Variants in RTL4 observed in about 807,000 individuals in gnomAD.
RTL4 encodes the protein retrotransposon Gag like 4, also known as retrotransposon Gag-like protein 4.
Under a neutral mutation model 5.3 loss-of-function variants are expected in RTL4, and 4 were observed. The observed-to-expected ratio is 0.75, with a 90% CI of 0.37 to 1.72. The LOEUF is 1.72. Among genes scored for constraint, RTL4 ranks in the 40% most tolerant of loss-of-function variants. The pLI is 0.04. For missense variants in RTL4, 260 were observed against 227.1 expected (o/e 1.14, Z -0.93); for synonymous variants, 98 against 87.3 (o/e 1.12, Z -0.68).
At chrX:112,320,170 A>G in the RTL4 span, 1 of 111,852 alleles carries the variant, frequency 8.9e-6, no homozygotes, top group African/African-American at 3.3e-5. Flanking sequence ...TCGTATTACC[A>G]TGTTTCCCTT....
chrX:112,280,369 C>T, the RTL4 span, among the ~76,000 whole-genome samples: 1 of 111,606 alleles, frequency 9.0e-6, no homozygotes, highest in South Asian at 3.8e-4. Context: ...ATACTATGCT[C>T]ACTACTTGGG....
chrX:112,246,784 T>A, the RTL4 span, among the ~76,000 whole-genome samples: 2 of 111,165 alleles, frequency 1.8e-5, no homozygotes, highest in South Asian at 3.8e-4. Context: ...AATGCAGAAA[T>A]CACCCGTCTT....
chrX:112,168,512 G>T, the RTL4 span, among the ~76,000 whole-genome samples: 1 of 111,687 alleles, frequency 9.0e-6, no homozygotes, highest in South Asian at 3.8e-4. Context: ...TAGGATAAAA[G>T]GATGCAGTAA....
At chrX:112,185,404 C>G in the RTL4 span, among the ~76,000 whole-genome samples, 3 of 80,434 alleles carry the variant, frequency 3.7e-5, 1 homozygote, top group African/African-American at 1.6e-4. Flanking sequence ...TATATATATA[C>G]ACACACACAC....
At chrX:112,312,190 T>C in the RTL4 span, among the ~76,000 whole-genome samples, 4 of 111,757 alleles carry the variant, frequency 3.6e-5, no homozygotes, top group Non-Finnish European at 7.5e-5. Context: ...CTTTGAATTA[T>C]GACTCTACTG....
At chrX:112,133,726 A>G in the RTL4 span, among the ~76,000 whole-genome samples, 3 of 112,330 alleles carry the variant, frequency 2.7e-5, no homozygotes, top group Non-Finnish European at 5.6e-5. Context: ...AAGGGTATTT[A>G]ACATAGTTCT....
chrX:112,115,689 T>C, the RTL4 span, among the ~76,000 whole-genome samples: 1 of 111,699 alleles, frequency 9.0e-6, no homozygotes, highest in Non-Finnish European at 1.9e-5. Flanking sequence ...TTCTGATTGG[T>C]AAGCCCAGGT....
chrX:112,428,233 G>A, the RTL4 span, among the ~76,000 whole-genome samples: 2 of 111,837 alleles, frequency 1.8e-5, no homozygotes, highest in Non-Finnish European at 3.8e-5. Context: ...TTATAAACGT[G>A]TGCACATTCA....
the RTL4 span, among the ~76,000 whole-genome samples, chrX:112,439,182 C>G: frequency 9.9e-5 from 11 of 111,578 alleles, no homozygotes; most frequent in East Asian, 3.1e-3. Context: ...ATCTACATGA[C>G]TATCAGAGGT....
chrX:112,353,402 T>C, the RTL4 span, among the ~76,000 whole-genome samples: 1 of 111,437 alleles, frequency 9.0e-6, no homozygotes, highest in Non-Finnish European at 1.9e-5. Flanking sequence ...ATTGTGGCAC[T>C]ATTCACAATG....
the RTL4 span, among the ~76,000 whole-genome samples, chrX:112,295,745 T>G: frequency 6.2e-5 from 7 of 112,625 alleles, no homozygotes; most frequent in Middle Eastern, 9.3e-3. Context: ...ATTCCTGCCT[T>G]CATCATCTAT....
At chrX:112,194,167 T>C in the RTL4 span, among the ~76,000 whole-genome samples, 1 of 112,281 alleles carries the variant, frequency 8.9e-6, no homozygotes, top group Non-Finnish European at 1.9e-5. Flanking sequence ...TTATCTCTAA[T>C]TTAATGTAAT....
exon 1 of RTL4, chrX:112,456,064 AC>A (rs774717443): frequency 1.1e-5 from 3 of 285,511 alleles, no homozygotes; most frequent in Non-Finnish European, 1.9e-5. Flanking sequence ...TGAGCCCAAG[AC>A]TTTTACCTTC....
the RTL4 span, chrX:112,320,164 A>G: frequency 3.6e-5 from 4 of 111,771 alleles, no homozygotes; most frequent in Non-Finnish European, 7.5e-5. Flanking sequence ...TCCGGGTCGT[A>G]TTACCATGTT....
chrX:112,141,348 A>G, the RTL4 span, among the ~76,000 whole-genome samples: 2 of 111,935 alleles, frequency 1.8e-5, no homozygotes, highest in African/African-American at 6.5e-5. Flanking sequence ...TATTTTCTAC[A>G]TGTTATCCAC....
the RTL4 span, among the ~76,000 whole-genome samples, chrX:112,264,818 C>T: frequency 8.9e-6 from 1 of 112,035 alleles, no homozygotes; most frequent in Non-Finnish European, 1.9e-5. Flanking sequence ...GAGAGAGAAG[C>T]CCTTGGAATT....
chrX:112,323,331 A>C, the RTL4 span, among the ~76,000 whole-genome samples: 2 of 110,751 alleles, frequency 1.8e-5, no homozygotes, highest in Non-Finnish European at 3.8e-5. Context: ...TTTTCTATTG[A>C]ATTGTTTGTC....
At chrX:112,310,777 T>C in the RTL4 span, among the ~76,000 whole-genome samples, 2 of 80,044 alleles carry the variant, frequency 2.5e-5, no homozygotes, top group African/African-American at 5.1e-5. Context: ...TTATATATAA[T>C]ATATATTAAT....
At chrX:112,409,707 T>C in the RTL4 span, among the ~76,000 whole-genome samples, 1 of 82,812 alleles carries the variant, frequency 1.2e-5, no homozygotes, top group Non-Finnish European at 2.3e-5. Context: ...GGCGACAGAG[T>C]GAGGCTCCAT....
Sources: gnomAD v4.1 joint callset for allele counts (sites outside exome capture counted in the v4.1 genomes callset) on GRCh38, gnomAD v4.1.1 for gene constraint, MANE v1.5 for transcripts, NCBI Gene and HGNC (gene_info 2026-07-23, HGNC 2026-07-21) for gene names.